Variants in TRHDE observed in about 807,000 individuals in gnomAD.
TRHDE encodes thyrotropin-releasing hormone-degrading ectoenzyme.
In TRHDE, 72 loss-of-function variants were observed where a neutral mutation model predicts 125.7. The observed-to-expected ratio is 0.57, with a 90% CI of 0.47 to 0.70. TRHDE has a LOEUF of 0.70. TRHDE is among the 30% of genes least tolerant of loss of function. The probability of loss-of-function intolerance (pLI) is 0.00; values close to 1 mark genes in which losing one functional copy is unlikely to be tolerated. For synonymous variants in TRHDE, 509 were observed against 509.1 expected, an observed-to-expected ratio of 1.00 and a Z score of 0.00; for missense variants, 1,110 against 1,327.1, an observed-to-expected ratio of 0.84 and a Z score of 2.54.
intron 12 of TRHDE, among the ~76,000 whole-genome samples, chr12:72,580,276 T>C (rs1423732455): frequency 6.6e-6 from 1 of 152,236 alleles, no homozygotes; most frequent in Non-Finnish European, 1.5e-5. Context: ...TGAAAAGGTA[T>C]ATGCTGCTTT....
chr12:72,645,957 A>C (rs1018670695), intron 15 of TRHDE, among the ~76,000 whole-genome samples: 2 of 152,178 alleles, frequency 1.3e-5, no homozygotes, highest in African/African-American at 2.4e-5. Context: ...CTTGCCTTGA[A>C]AGAAATGCTA....
chr12:72,630,754 C>T (rs961083983), intron 15 of TRHDE, among the ~76,000 whole-genome samples: 3 of 151,110 alleles, frequency 2.0e-5, no homozygotes, highest in Non-Finnish European at 4.4e-5. Flanking sequence ...CTTCTTGTTG[C>T]TCACAAAATT....
intron 2 of TRHDE, among the ~76,000 whole-genome samples, chr12:72,364,388 A>G (rs1428459852): frequency 6.6e-6 from 1 of 151,984 alleles, no homozygotes; most frequent in Non-Finnish European, 1.5e-5. Flanking sequence ...TTGGCATTGG[A>G]CATTTCTTAA....
At chr12:72,248,964 T>C (rs954421330) in intron 2 of TRHDE, among the ~76,000 whole-genome samples, 8 of 152,294 alleles carry the variant, frequency 5.3e-5, no homozygotes, top group Admixed American at 1.3e-4. Flanking sequence ...CTCTAACAGG[T>C]TCACTTAAAA....
intron 12 of TRHDE, among the ~76,000 whole-genome samples, chr12:72,603,121 A>G (rs937097141): frequency 2.0e-5 from 3 of 152,200 alleles, no homozygotes; most frequent in African/African-American, 7.2e-5. Context: ...ATGCAAAAGA[A>G]TAAAGAAGAG....
At chr12:72,223,443 G>A (rs1193437221) in intron 2 of TRHDE, among the ~76,000 whole-genome samples, 3 of 152,076 alleles carry the variant, frequency 2.0e-5, no homozygotes, top group Non-Finnish European at 4.4e-5. Flanking sequence ...AAGTAGGCAG[G>A]GAAGAGCATC....
intron 12 of TRHDE, 139 bp downstream of exon 12, chr12:72,575,681 A>G (rs1423572699): frequency 1.3e-6 from 1 of 797,208 alleles, no homozygotes; most frequent in African/African-American, 1.7e-5. Context: ...GACTTTGGAT[A>G]TGAGTTCTAA....
chr12:72,543,921 C>A (rs1207655409), intron 7 of TRHDE, among the ~76,000 whole-genome samples: 2 of 150,830 alleles, frequency 1.3e-5, no homozygotes, highest in African/African-American at 2.4e-5. Context: ...CCACTCTGCT[C>A]AGTTTTATAT....
intron 1 of TRHDE, among the ~76,000 whole-genome samples, chr12:72,093,842 A>G (rs575379363): frequency 5.6e-4 from 86 of 152,316 alleles, no homozygotes; most frequent in African/African-American, 1.9e-3. Context: ...CTTTGGGGTC[A>G]GTTACTAAAG....
intron 2 of TRHDE, chr12:72,186,112 T>A (rs970245235): frequency 6.6e-6 from 1 of 152,414 alleles, no homozygotes; most frequent in African/African-American, 2.4e-5. Flanking sequence ...CCCTTCCACA[T>A]TGTGGAAGCT....
chr12:72,481,355 G>A (rs1877163737), intron 5 of TRHDE, among the ~76,000 whole-genome samples: 1 of 148,458 alleles, frequency 6.7e-6, no homozygotes. Flanking sequence ...ATAGAAAAGA[G>A]CCTCCTGTGA....
chr12:72,122,835 T>C (rs1459020409), intron 2 of TRHDE, among the ~76,000 whole-genome samples: 4 of 152,072 alleles, frequency 2.6e-5, no homozygotes, highest in African/African-American at 9.7e-5. Flanking sequence ...AACCTAAATA[T>C]TTTTAAAAAA....
Position 72,286,667 on chromosome 12 carries a change from T to C in TRHDE, c.915-14T>C. On this transcript the variant is annotated splice_polypyrimidine_tract_variant and intron_variant, in intron 1 of 18. Transcript: ENST00000261180. ...ACATAAATGTAATTGAGAATGTCAT[T>C]TTCTTTTTTCCAGATTCCTTGGTGT... 1.2e-6 allele frequency: 2 copies of C among 1,609,298 alleles called. No individual in the cohort carries two copies. The highest frequency in any genetic ancestry group is 1.7e-6 in the Non-Finnish European group (2 of 1,177,278).
chr12:72,319,365 T>C (rs7972073), intron 2 of TRHDE, among the ~76,000 whole-genome samples: 96,656 of 151,594 alleles, frequency 0.64, 31,273 homozygotes, highest in Non-Finnish European at 0.7. Flanking sequence ...AACCTAGGTC[T>C]GCTTCAGTAG....
intron 2 of TRHDE, among the ~76,000 whole-genome samples, chr12:72,299,988 G>A (rs896225159): frequency 2.0e-5 from 3 of 152,114 alleles, no homozygotes; most frequent in Non-Finnish European, 2.9e-5. Flanking sequence ...AGTTTTCTTC[G>A]TGAGAGGAAG....
At chr12:72,504,582 G>A (rs970050121) in intron 6 of TRHDE, among the ~76,000 whole-genome samples, 27 of 152,308 alleles carry the variant, frequency 1.8e-4, no homozygotes, top group Non-Finnish European at 2.6e-4. Context: ...GATTACAGGC[G>A]TGAGCCACTG....
rs115528930 is a variant in TRHDE, at chr12:72,457,213, C to T, written c.1316-12545C>T. Among the ~76,000 whole-genome samples, 1,079 of 152,070 alleles carry T rather than the reference C, an allele frequency of 7.1e-3. 11 individuals are homozygous for T. Among genetic ancestry groups the T allele is most frequent in the African/African-American group, 0.025 (1,031 of 41,476 alleles). ...TAAAGTATTTTAGTAGTATGCAGGC[C>T]GAGGACTAAATTGATAAGGTTCTAT... On this transcript the variant is annotated intron_variant, in intron 3 of 18. Coordinates refer to ENST00000261180, the MANE Select transcript of TRHDE (RefSeq NM_013381.3).
intron 2 of TRHDE, among the ~76,000 whole-genome samples, chr12:72,125,262 C>T (rs964447114): frequency 6.6e-6 from 1 of 152,028 alleles, no homozygotes; most frequent in Non-Finnish European, 1.5e-5. Flanking sequence ...TTGAAATCTT[C>T]TGTTCTGGAT....
Position 72,656,956 on chromosome 12 carries a change from A to G in TRHDE, c.3014A>G (p.Lys1005Arg), listed in dbSNP as rs763902219. ...RYGEALFMNS[K>R]LISGVTEFLN... is the part of the protein sequence containing the mutation. ...GGAGAAGCATTGTTTATGAATTCCAAACTCATCAGTGGTGTCACAGAATTT... is the reference window on the plus strand; with the variant it reads ...GGAGAAGCATTGTTTATGAATTCCAGACTCATCAGTGGTGTCACAGAATTT... The change falls in exon 18 of 19, where the codon AAA (lysine) becomes AGA (arginine). Residue 1005 changes from lysine to arginine, a missense_variant. By Grantham distance (26) the Lys-to-Arg change is conservative. Coordinates refer to ENST00000261180, the MANE Select transcript of TRHDE (RefSeq NM_013381.3). 1.7e-5 allele frequency: 27 copies of G among 1,611,376 alleles called. No individual in the cohort carries two copies. Among genetic ancestry groups the G allele is most frequent in the Non-Finnish European group, 2.1e-5 (25 of 1,178,212 alleles).
Sources: allele counts gnomAD v4.1 joint callset (sites outside exome capture counted in the v4.1 genomes callset), GRCh38; gene constraint gnomAD v4.1.1; transcripts MANE v1.5; gene names NCBI Gene and HGNC (gene_info 2026-07-23, HGNC 2026-07-21).